Variants in VPS53 observed in about 807,000 individuals in gnomAD.
VPS53 encodes VPS53 subunit of GARP complex, also known as vacuolar protein sorting-associated protein 53 homolog.
Under a neutral mutation model 107.0 loss-of-function variants are expected in VPS53, and 70 were observed. That is an observed-to-expected ratio of 0.65 (90% CI 0.54 to 0.80). The LOEUF is 0.80. VPS53 is among the 30% of genes least tolerant of loss of function. VPS53 has a pLI of 0.00. For missense variants in VPS53, 917 were observed against 1,049.4 expected (o/e 0.87, Z 1.74); for synonymous variants, 409 against 393.3 (o/e 1.04, Z -0.47).
At chr17:584,747 G>A (rs1967225108) in intron 13 of VPS53, among the ~76,000 whole-genome samples, 1 of 152,092 alleles carries the variant, frequency 6.6e-6, no homozygotes, top group South Asian at 2.1e-4. Context: ...GGCTGGTCTT[G>A]AATCCTGGGC....
intron 13 of VPS53, among the ~76,000 whole-genome samples, chr17:564,826 C>A (rs973924816): frequency 6.6e-6 from 1 of 152,194 alleles, no homozygotes; most frequent in Non-Finnish European, 1.5e-5. Flanking sequence ...TTCAAACATC[C>A]CTGTAATTGT....
At chr17:711,100 C>T (rs550817458) in intron 1 of VPS53, among the ~76,000 whole-genome samples, 3 of 152,246 alleles carry the variant, frequency 2.0e-5, no homozygotes, top group East Asian at 1.9e-4. Flanking sequence ...GTCCCAGCTA[C>T]GTGGGAGGCT....
intron 18 of VPS53, among the ~76,000 whole-genome samples, chr17:533,358 C>T (rs1909752634): frequency 6.6e-6 from 1 of 152,184 alleles, no homozygotes; most frequent in South Asian, 2.1e-4. Flanking sequence ...GTCCTCCTCC[C>T]TTGGGCTCCG....
intron 13 of VPS53, among the ~76,000 whole-genome samples, chr17:571,205 T>A (rs892858975): frequency 8.3e-6 from 1 of 120,954 alleles, no homozygotes; most frequent in South Asian, 2.5e-4. Context: ...TCAGTTACTC[T>A]AGAGGCTGAA....
intron 12 of VPS53, among the ~76,000 whole-genome samples, chr17:595,116 G>A (rs1967892321): frequency 1.0e-5 from 1 of 97,404 alleles, no homozygotes; most frequent in Non-Finnish European, 2.2e-5. Flanking sequence ...TCCCCCTGGA[G>A]GAAGCTGGGA....
intron 13 of VPS53, among the ~76,000 whole-genome samples, chr17:574,908 A>C (rs1028769805): frequency 1.2e-4 from 19 of 152,344 alleles, no homozygotes; most frequent in Non-Finnish European, 1.9e-4. Flanking sequence ...TAATAGGCAA[A>C]TAACCAATCC....
At position 521,559 on chromosome 17, in the gene VPS53, A is replaced by C. The variant is rs192056795; in HGVS notation, c.2223+42T>G. The C allele has an allele frequency of 2.7e-5, 41 of 1,495,282 alleles. No homozygotes were observed. The Admixed American group carries it at 4.5e-4, about 16-fold the overall frequency. 92.6% of individuals were successfully genotyped at this position (1,495,282 alleles called of 1,614,324 possible). A position where few individuals can be genotyped will look rare whatever the true frequency, so the allele number is the denominator to read the frequency against. On this transcript the variant is annotated intron_variant, in intron 20 of 21. Transcript: ENST00000437048. ...CAAAACCAAGGCTTCTCAGAAAAAG[A>C]GATTAAATAAATAACTGGCCCCTTT...
chr17:558,341 C>A (rs1216992965), intron 15 of VPS53, among the ~76,000 whole-genome samples: 2 of 152,022 alleles, frequency 1.3e-5, no homozygotes, highest in African/African-American at 4.8e-5. Context: ...GTAGCGGGTG[C>A]CTGTAGTCCC....
At chr17:713,884 A>ACCCCC (rs1421779846) in intron 1 of VPS53, among the ~76,000 whole-genome samples, 37 of 149,086 alleles carry the variant, frequency 2.5e-4, no homozygotes, top group Non-Finnish European at 4.9e-4. Flanking sequence ...TTACCCCAAA[A>ACCCCC]AAAAAAAAAA....
chr17:627,045 T>G, intron 10 of VPS53, 129 bp downstream of exon 10: 93 of 1,241,852 alleles, frequency 7.5e-5, no homozygotes, highest in Non-Finnish European at 9.2e-5. Context: ...GGTACGAGGA[T>G]GATATTAGTC....
At chr17:618,874 G>A (rs1031697499) in intron 11 of VPS53, among the ~76,000 whole-genome samples, 4 of 149,414 alleles carry the variant, frequency 2.7e-5, no homozygotes, top group African/African-American at 1.0e-4. Flanking sequence ...CCGGGTAGCT[G>A]GGACTACAGG....
Position 588,127 on chromosome 17 carries a change from C to G in VPS53, c.1219-1763G>C, listed in dbSNP as rs448736. ...GGTCAGGAGTTCAAGACCAGCATGGCCAATATGGTGAAACCCTGTCTCTAC... is the reference window on the plus strand; with the variant it reads ...GGTCAGGAGTTCAAGACCAGCATGGGCAATATGGTGAAACCCTGTCTCTAC... On this transcript the variant is annotated intron_variant, in intron 12 of 21. Coordinates refer to ENST00000437048, the MANE Select transcript of VPS53 (RefSeq NM_001128159.3). Among the ~76,000 whole-genome samples, 1,465 of 152,206 alleles carry G rather than the reference C, an allele frequency of 9.6e-3. 22 individuals carry two copies. Among genetic ancestry groups the G allele is most frequent in the African/African-American group, 0.033 (1,385 of 41,528 alleles).
chr17:662,891 A>AGGCAGGC (rs1971531022), intron 4 of VPS53, among the ~76,000 whole-genome samples: 12 of 137,656 alleles, frequency 8.7e-5, no homozygotes, highest in African/African-American at 3.1e-4. Context: ...GGAAGGAAGG[A>AGGCAGGC]AGGCAGGCAG....
At chr17:691,295 T>G (rs191699223) in intron 4 of VPS53, among the ~76,000 whole-genome samples, 91 of 152,334 alleles carry the variant, frequency 6.0e-4, no homozygotes, top group African/African-American at 2.1e-3. Context: ...ACTGTTTCAG[T>G]TCAGTCTAAG....
At chr17:612,146 C>A (rs867895669) in intron 11 of VPS53, among the ~76,000 whole-genome samples, 2 of 151,898 alleles carry the variant, frequency 1.3e-5, no homozygotes, top group African/African-American at 4.8e-5. Context: ...TGAATTCACA[C>A]AGTGAAAACC....
chr17:653,413 G>C lies in VPS53; in HGVS notation c.489-3C>G. The C allele has an allele frequency of 6.2e-7, 1 of 1,614,240 alleles. No homozygotes were observed. The highest frequency in any genetic ancestry group is 8.5e-7 in the Non-Finnish European group (1 of 1,180,034). On this transcript the variant is annotated splice_region_variant and splice_polypyrimidine_tract_variant and intron_variant, in intron 6 of 21. Transcript: ENST00000437048. Reference sequence around the variant, plus strand: ...ATTGTCTTCGCCTGGTCATGGCTCTGCAAGGAAAGAATAAGTTTAAAAGTC... The same window carrying C: ...ATTGTCTTCGCCTGGTCATGGCTCTCCAAGGAAAGAATAAGTTTAAAAGTC...
chr17:567,475 T>A (rs756452872), intron 13 of VPS53, among the ~76,000 whole-genome samples: 2 of 151,810 alleles, frequency 1.3e-5, no homozygotes, highest in Non-Finnish European at 1.5e-5. Context: ...TCATTAGTTT[T>A]GAATACATGA....
intron 12 of VPS53, among the ~76,000 whole-genome samples, chr17:597,431 C>G (rs11247552): frequency 0.99 from 150,862 of 152,314 alleles, 74,734 homozygotes; most frequent in East Asian, 1. Flanking sequence ...GGGCTGGTGA[C>G]GCAGCAGGAG....
chr17:630,347 C>T (rs77169718), intron 8 of VPS53, among the ~76,000 whole-genome samples: 1 of 151,698 alleles, frequency 6.6e-6, no homozygotes, highest in Non-Finnish European at 1.5e-5. Flanking sequence ...GCTGAGTACA[C>T]GTGAGGCTAA....
Sources: allele counts gnomAD v4.1 joint callset (sites outside exome capture counted in the v4.1 genomes callset), GRCh38; gene constraint gnomAD v4.1.1; transcripts MANE v1.5; gene names NCBI Gene and HGNC (gene_info 2026-07-23, HGNC 2026-07-21).